The following LBR variants were observed in gnomAD, a reference collection of about 807,000 sequenced individuals.
LBR encodes lamin B receptor.
Under a neutral mutation model 74.3 loss-of-function variants are expected in LBR, and 28 were observed. The ratio of observed to expected loss-of-function variants is 0.38; its 90% CI spans 0.28 to 0.52. The LOEUF (loss-of-function observed/expected upper bound fraction) is 0.52. LBR is among the 20% of genes least tolerant of loss of function. The pLI is 0.89. For synonymous variants in LBR, 228 were observed against 269.3 expected (o/e 0.85, Z 1.50); for missense variants, 717 against 760.3 (o/e 0.94, Z 0.67).
chr1:225,420,091 T>C (rs975859731), intron 3 of LBR, among the ~76,000 whole-genome samples: 12 of 152,070 alleles, frequency 7.9e-5, no homozygotes, highest in Non-Finnish European at 1.5e-4. Context: ...GTGGATCACC[T>C]GAGGTCAGGA....
At chr1:225,411,259 T>G in intron 9 of LBR, 78 bp downstream of exon 9, 2 of 1,032,744 alleles carry the variant, frequency 1.9e-6, no homozygotes. Context: ...CTGCTTATTT[T>G]TGAATGGTCT....
At chr1:225,406,077 C>T (rs559368559) in intron 11 of LBR, among the ~76,000 whole-genome samples, 7 of 152,312 alleles carry the variant, frequency 4.6e-5, no homozygotes, top group Non-Finnish European at 7.4e-5. Flanking sequence ...TCTCACACTT[C>T]CCCACCACAC....
rs2096095873 is a variant in LBR at position 225,407,915 on chromosome 1, C to G, written c.1315-1083G>C. Among the ~76,000 whole-genome samples, 8 of 152,142 alleles carry G rather than the reference C, an allele frequency of 5.3e-5. No homozygotes were observed. In the South Asian group the frequency reaches 1.7e-3, roughly 32 times the overall value. On this transcript the variant is annotated intron_variant, in intron 10 of 13. Coordinates refer to ENST00000272163, the MANE Select transcript of LBR (RefSeq NM_002296.4). Reference sequence around the variant, plus strand: ...TATTCTCTTTAAAAAAAAAAATTGACATGTAATAATCGTACATATTTATGG... The same window carrying G: ...TATTCTCTTTAAAAAAAAAAATTGAGATGTAATAATCGTACATATTTATGG...
chr1:225,416,329 T>C (rs193255418), intron 6 of LBR, among the ~76,000 whole-genome samples: 20 of 152,226 alleles, frequency 1.3e-4, no homozygotes, highest in Admixed American at 3.9e-4. Flanking sequence ...TGGTACCCAA[T>C]AGAACTGGCT....
intron 3 of LBR, among the ~76,000 whole-genome samples, chr1:225,421,410 G>A (rs370600014): frequency 2.6e-5 from 4 of 152,202 alleles, no homozygotes; most frequent in Admixed American, 6.5e-5. Flanking sequence ...GGAGAATGGC[G>A]TGAACCCAGG....
chr1:225,406,764 C>A lies in LBR; in HGVS notation c.1383G>T (p.Leu461Phe). The change falls in exon 11 of 14, where the codon TTG (leucine) becomes TTT (phenylalanine). Residue 461 changes from leucine to phenylalanine, a missense_variant. By Grantham distance (22) the Leu-to-Phe change is conservative. Transcript: ENST00000272163. ...AGCTGTAAATAAAGGGAACCCACAC[C>A]AAGTCTCCAAAAGCCAGCATGAATC... Reference protein sequence around the residue: ...GFGFMLAFGDLVWVPFIYSFQ... With the variant: ...GFGFMLAFGDFVWVPFIYSFQ... The A allele has an allele frequency of 6.2e-7, 1 of 1,614,138 alleles. No individual in the cohort carries two copies. The highest frequency in any genetic ancestry group is 8.5e-7 in the Non-Finnish European group (1 of 1,180,016).
At chr1:225,406,303 G>A (rs964666557) in intron 11 of LBR, among the ~76,000 whole-genome samples, 3 of 152,182 alleles carry the variant, frequency 2.0e-5, no homozygotes, top group Non-Finnish European at 2.9e-5. Flanking sequence ...TCTCCTGTTA[G>A]AATGTGAGCT....
intron 1 of LBR, among the ~76,000 whole-genome samples, chr1:225,426,768 C>T (rs2096139930): frequency 6.6e-6 from 1 of 152,202 alleles, no homozygotes; most frequent in South Asian, 2.1e-4. Flanking sequence ...TGCTCCGCGC[C>T]CTTTGCTTCA....
At chr1:225,420,309 C>CAAA (rs35741344) in intron 3 of LBR, among the ~76,000 whole-genome samples, 13 of 134,780 alleles carry the variant, frequency 9.6e-5, no homozygotes, top group African/African-American at 1.2e-4. Flanking sequence ...AACTCCGCCT[C>CAAA]AAAAAAAAAA....
At chr1:225,414,859 C>T (rs114737887) in intron 7 of LBR, among the ~76,000 whole-genome samples, 244 of 152,270 alleles carry the variant, frequency 1.6e-3, no homozygotes, top group African/African-American at 5.4e-3. Context: ...AGGTGTCAGA[C>T]GTTTGGGGGT....
At chr1:225,414,139 A>C in intron 7 of LBR, 1 of 456,706 alleles carries the variant, frequency 2.2e-6, no homozygotes, top group Non-Finnish European at 4.4e-6. Context: ...AAAGCAACAA[A>C]AAGTCTAACA....
At chr1:225,423,316 C>T (rs1441019161) in intron 2 of LBR, among the ~76,000 whole-genome samples, 2 of 152,106 alleles carry the variant, frequency 1.3e-5, no homozygotes, top group African/African-American at 4.8e-5. Context: ...GGTTGAAAAG[C>T]CCTGGGCTAG....
At chr1:225,418,208 C>T (rs750894073) in intron 5 of LBR, 28 bp from the exon 6 acceptor site, 1 of 1,596,562 alleles carries the variant, frequency 6.3e-7, no homozygotes, top group Non-Finnish European at 8.6e-7. Context: ...ACATTCGAGG[C>T]TCAAATTTCA....
chr1:225,426,645 T>C (rs1032163075), intron 1 of LBR, among the ~76,000 whole-genome samples: 9 of 152,146 alleles, frequency 5.9e-5, no homozygotes, highest in Admixed American at 1.3e-4. Flanking sequence ...CTTCTCCAAA[T>C]TCATCTAAAC....
rs764468868 is a variant in LBR at position 225,406,852 on chromosome 1, G to C, written c.1315-20C>G. On this transcript the variant is annotated intron_variant, in intron 10 of 13. Transcript: ENST00000272163. ...CGCTTCCTATAAGGATACAGACGGG[G>C]AAAGGGAGAAGGAGCTTCTGTGTTT... 1.9e-6 allele frequency: 3 copies of C among 1,611,990 alleles called. No individual in the cohort carries two copies. Among genetic ancestry groups the C allele is most frequent in the Non-Finnish European group, 2.5e-6 (3 of 1,178,088 alleles).
At chr1:225,404,863 G>A (rs941380562) in intron 11 of LBR, among the ~76,000 whole-genome samples, 157 bp from the exon 12 acceptor site, 1 of 152,160 alleles carries the variant, frequency 6.6e-6, no homozygotes, top group Non-Finnish European at 1.5e-5. Context: ...GCCTCCCAAA[G>A]TGCTGGGATT....
At chr1:225,425,565 T>C (rs2096137501) in intron 1 of LBR, among the ~76,000 whole-genome samples, 1 of 152,140 alleles carries the variant, frequency 6.6e-6, no homozygotes, top group Non-Finnish European at 1.5e-5. Context: ...AGGGGGGCAG[T>C]GAACACCTCT....
In LBR at chr1:225,412,730, A is replaced by G. The variant is rs905551725; in HGVS notation, c.893-85T>C. ...ACTTACGCCACTATGAAACAATGCA[A>G]TGTTCATTTTTAAAGTCTTAATTTC... On this transcript the variant is annotated intron_variant, in intron 7 of 13. Transcript: ENST00000272163. 7 of 1,200,452 alleles carry G rather than the reference A, an allele frequency of 5.8e-6. No homozygotes were observed. In the Admixed American group the frequency reaches 1.7e-4, roughly 29 times the overall value. The allele number at this position is 1,200,452 out of a possible 1,614,324, so 74.4% of individuals were successfully genotyped here.
At position 225,406,806 on chromosome 1, in the gene LBR, G is replaced by C. The variant is rs374446877; in HGVS notation, c.1341C>G (p.Ile447Met). Residue 447 changes from isoleucine to methionine, a missense_variant, in exon 11 of 14, where the codon ATC becomes ATG. Physicochemically the swap from Ile to Met is conservative, Grantham distance 10. Transcript: ENST00000272163. Reference protein sequence around the residue: ...NEEALLTTMDIIHDGFGFMLA... With the variant: ...NEEALLTTMDMIHDGFGFMLA... The stretch of plus-strand genomic sequence containing the variant: ...GCATGAATCCAAATCCATCGTGGAT[G>C]ATGTCCATGGTCGTCAACAACGCTT... 15 of 1,614,068 alleles carry C rather than the reference G, an allele frequency of 9.3e-6. No homozygotes were observed. The highest frequency in any genetic ancestry group is 1.3e-5 in the Non-Finnish European group (15 of 1,180,034).
Sources: allele counts gnomAD v4.1 joint callset (sites outside exome capture counted in the v4.1 genomes callset), GRCh38; gene constraint gnomAD v4.1.1; transcripts MANE v1.5; gene names NCBI Gene and HGNC (gene_info 2026-07-23, HGNC 2026-07-21).